Variants in HCN1 observed in about 807,000 individuals in gnomAD.
HCN1 encodes potassium/sodium hyperpolarization-activated cyclic nucleotide-gated channel 1.
Under a neutral mutation model 78.9 loss-of-function variants are expected in HCN1, and 13 were observed. The ratio of observed to expected loss-of-function variants is 0.16; its 90% CI spans 0.11 to 0.26. The LOEUF is 0.26. Ranked by LOEUF, HCN1 falls within the 10% of genes least tolerant of loss-of-function variation. The pLI, the probability that HCN1 is intolerant of heterozygous loss-of-function variation, is 1.00. For missense variants in HCN1, 810 were observed against 1,154.3 expected, an observed-to-expected ratio of 0.70 and a Z score of 4.32; for synonymous variants, 552 against 455.5, an observed-to-expected ratio of 1.21 and a Z score of -2.70.
chr5:45,574,707 C>A, intron 2 of HCN1: 1 of 152,200 alleles, frequency 6.6e-6, no homozygotes, highest in South Asian at 2.1e-4. Flanking sequence ...AACAGTTAGC[C>A]AAGTTGTGAA....
At chr5:45,284,777 C>A (rs1340485073) in intron 6 of HCN1, among the ~76,000 whole-genome samples, 1 of 152,048 alleles carries the variant, frequency 6.6e-6, no homozygotes, top group Non-Finnish European at 1.5e-5. Flanking sequence ...AGAAGAGAGA[C>A]CTTCAAATCA....
intron 6 of HCN1, among the ~76,000 whole-genome samples, chr5:45,276,838 G>A (rs1285547189): frequency 6.6e-6 from 1 of 152,014 alleles, no homozygotes; most frequent in Non-Finnish European, 1.5e-5. Flanking sequence ...TCAAAAAAGT[G>A]TAGAAACTAC....
chr5:45,376,345 T>TAGAGAGAG (rs1328696016), intron 4 of HCN1, among the ~76,000 whole-genome samples: 5 of 96,930 alleles, frequency 5.2e-5, no homozygotes, highest in African/African-American at 1.8e-4. Flanking sequence ...ATATTATATA[T>TAGAGAGAG]ATATAGAGAG....
At chr5:45,317,649 T>G (rs1418674280) in intron 5 of HCN1, among the ~76,000 whole-genome samples, 1 of 152,004 alleles carries the variant, frequency 6.6e-6, no homozygotes, top group Non-Finnish European at 1.5e-5. Context: ...GGGAGAAAAT[T>G]TTTGCAACCT....
chr5:45,344,007 C>T (rs1746644112), intron 5 of HCN1, among the ~76,000 whole-genome samples: 1 of 151,930 alleles, frequency 6.6e-6, no homozygotes, highest in Non-Finnish European at 1.5e-5. Flanking sequence ...ATAACTGAGA[C>T]CGAGTAATTT....
At chr5:45,277,504 C>T (rs925817983) in intron 6 of HCN1, among the ~76,000 whole-genome samples, 2 of 151,938 alleles carry the variant, frequency 1.3e-5, no homozygotes, top group African/African-American at 4.8e-5. Flanking sequence ...TGTGTCTGTC[C>T]TAGGAGTGAA....
chr5:45,676,725 G>A (rs1046128182), intron 1 of HCN1, among the ~76,000 whole-genome samples: 1 of 151,762 alleles, frequency 6.6e-6, no homozygotes, highest in Non-Finnish European at 1.5e-5. Flanking sequence ...TAAAGGAATG[G>A]TCATTTACAT....
chr5:45,344,833 G>T (rs1746664421), intron 5 of HCN1, among the ~76,000 whole-genome samples: 1 of 152,166 alleles, frequency 6.6e-6, no homozygotes, highest in Non-Finnish European at 1.5e-5. Context: ...GTTGCAGGGT[G>T]CAAGATGTTG....
chr5:45,486,356 T>C (rs1029995621), intron 2 of HCN1, among the ~76,000 whole-genome samples: 1 of 152,152 alleles, frequency 6.6e-6, no homozygotes, highest in African/African-American at 2.4e-5. Flanking sequence ...AATTGTACCA[T>C]ACTGGAAGAA....
chr5:45,346,800 C>T (rs900376376), intron 5 of HCN1, among the ~76,000 whole-genome samples: 14 of 152,176 alleles, frequency 9.2e-5, no homozygotes, highest in African/African-American at 2.9e-4. Context: ...AAGGCAGCAG[C>T]GAGGCTGCGG....
chr5:45,531,708 T>C (rs1174732361), intron 2 of HCN1, among the ~76,000 whole-genome samples: 1 of 152,190 alleles, frequency 6.6e-6, no homozygotes, highest in Admixed American at 6.5e-5. Context: ...GTTTACTTTG[T>C]AGGCTCTGAC....
intron 2 of HCN1, among the ~76,000 whole-genome samples, chr5:45,582,480 A>G (rs1239740448): frequency 1.3e-5 from 2 of 152,070 alleles, no homozygotes; most frequent in Non-Finnish European, 2.9e-5. Flanking sequence ...GGACAATTTG[A>G]CTTCCTCTTT....
chr5:45,509,355 C>T (rs1166075510), intron 2 of HCN1, among the ~76,000 whole-genome samples: 3 of 151,994 alleles, frequency 2.0e-5, no homozygotes, highest in Admixed American at 6.6e-5. Flanking sequence ...TATAAACTTA[C>T]ACATTTAACT....
chr5:45,577,023 C>T (rs1301195697), intron 2 of HCN1, among the ~76,000 whole-genome samples: 5 of 151,962 alleles, frequency 3.3e-5, no homozygotes, highest in Non-Finnish European at 7.4e-5. Flanking sequence ...CCTACATTCA[C>T]CAAGTTTATA....
At chr5:45,593,787 G>A (rs1042432713) in intron 2 of HCN1, among the ~76,000 whole-genome samples, 2 of 151,970 alleles carry the variant, frequency 1.3e-5, no homozygotes, top group Non-Finnish European at 2.9e-5. Context: ...CAATTCTCCT[G>A]CCTCAGTCTC....
At chr5:45,282,411 G>T (rs1745187460) in intron 6 of HCN1, among the ~76,000 whole-genome samples, 1 of 152,086 alleles carries the variant, frequency 6.6e-6, no homozygotes, top group Non-Finnish European at 1.5e-5. Context: ...GTGGATTTAG[G>T]GTAAAGAAAG....
intron 1 of HCN1, among the ~76,000 whole-genome samples, chr5:45,650,738 T>C (rs1276592510): frequency 1.3e-5 from 2 of 151,984 alleles, no homozygotes; most frequent in African/African-American, 4.8e-5. Flanking sequence ...TTGTAAAGAT[T>C]AGTCCATGAT....
intron 2 of HCN1, among the ~76,000 whole-genome samples, chr5:45,587,601 T>C (rs58485329): frequency 6.6e-6 from 1 of 151,538 alleles, no homozygotes; most frequent in South Asian, 2.1e-4. Context: ...CTAATGTAAA[T>C]GACGAGTGAA....
chr5:45,658,150 T>G (rs1352548567), intron 1 of HCN1, among the ~76,000 whole-genome samples: 1 of 152,178 alleles, frequency 6.6e-6, no homozygotes, highest in African/African-American at 2.4e-5. Flanking sequence ...GGATTCCTTA[T>G]TTAATAAATG....
Sources: allele counts gnomAD v4.1 joint callset (sites outside exome capture counted in the v4.1 genomes callset), GRCh38; gene constraint gnomAD v4.1.1; transcripts MANE v1.5; gene names NCBI Gene and HGNC (gene_info 2026-07-23, HGNC 2026-07-21).